The following ZMAT4 variants were observed in gnomAD, a reference collection of about 807,000 sequenced individuals.
ZMAT4 encodes the protein zinc finger matrin-type protein 4.
In ZMAT4, 17 loss-of-function variants were observed where a neutral mutation model predicts 28.7. That is an observed-to-expected ratio of 0.59 (90% CI 0.41 to 0.89). ZMAT4 has a LOEUF of 0.89. Among genes scored for constraint, ZMAT4 ranks in the 40% least tolerant of loss-of-function variants. The pLI, the probability that ZMAT4 is intolerant of heterozygous loss-of-function variation, is 0.00. For missense variants in ZMAT4, 240 were observed against 283.8 expected, an observed-to-expected ratio of 0.85 and a Z score of 1.11; for synonymous variants, 117 against 109.2, an observed-to-expected ratio of 1.07 and a Z score of -0.44.
At chr8:40,850,461 T>C (rs1291565108) in intron 1 of ZMAT4, among the ~76,000 whole-genome samples, 1 of 152,186 alleles carries the variant, frequency 6.6e-6, no homozygotes. Context: ...GGCGGATCAC[T>C]GCAGACAGTC....
At chr8:40,788,913 T>A (rs1242305535) in intron 2 of ZMAT4, among the ~76,000 whole-genome samples, 1 of 150,856 alleles carries the variant, frequency 6.6e-6, no homozygotes, top group Non-Finnish European at 1.5e-5. Context: ...CAAGGTAGAT[T>A]TAACATTTAA....
chr8:40,630,600 C>T (rs1806539035), intron 5 of ZMAT4, among the ~76,000 whole-genome samples: 2 of 152,258 alleles, frequency 1.3e-5, no homozygotes, highest in South Asian at 2.1e-4. Flanking sequence ...AATGGGAATA[C>T]AAGTGGTATA....
At chr8:40,593,591 T>C (rs984564116) in intron 5 of ZMAT4, among the ~76,000 whole-genome samples, 19 of 152,202 alleles carry the variant, frequency 1.2e-4, no homozygotes, top group African/African-American at 4.6e-4. Flanking sequence ...CTAATGTGTC[T>C]TCACCAACCT....
chr8:40,805,963 A>G (rs1009952554), intron 2 of ZMAT4, among the ~76,000 whole-genome samples: 5 of 151,818 alleles, frequency 3.3e-5, no homozygotes, highest in Admixed American at 3.3e-4. Context: ...TTTCACAAGA[A>G]CAAAATTCTC....
At position 40,684,029 on chromosome 8, in the gene ZMAT4, C is replaced by T. The variant is rs577524066; in HGVS notation, c.350-9098G>A. Among the ~76,000 whole-genome samples, 3 of 151,630 alleles carry T rather than the reference C, an allele frequency of 2.0e-5. No individual in the cohort carries two copies. In the South Asian group the frequency reaches 6.2e-4, roughly 32 times the overall value. Reference sequence around the variant, plus strand: ...GCTACAGTGAACCATATTTGTGCCACTGCATTCTAGCCTGGGACCAGAGGA... The same window carrying T: ...GCTACAGTGAACCATATTTGTGCCATTGCATTCTAGCCTGGGACCAGAGGA... On this transcript the variant is annotated intron_variant, in intron 4 of 6. Transcript: ENST00000297737.
At chr8:40,622,208 G>C (rs1163306531) in intron 5 of ZMAT4, among the ~76,000 whole-genome samples, 1 of 152,120 alleles carries the variant, frequency 6.6e-6, no homozygotes, top group Non-Finnish European at 1.5e-5. Flanking sequence ...TAAATTATAA[G>C]ATAAACAAAA....
chr8:40,672,484 T>C (rs1808718424), intron 5 of ZMAT4, among the ~76,000 whole-genome samples: 1 of 152,212 alleles, frequency 6.6e-6, no homozygotes, highest in Admixed American at 6.5e-5. Flanking sequence ...TCGCATTCCA[T>C]GGGCTACTGA....
chr8:40,704,603 A>G (rs1810277237), intron 3 of ZMAT4, among the ~76,000 whole-genome samples: 1 of 152,212 alleles, frequency 6.6e-6, no homozygotes, highest in South Asian at 2.1e-4. Flanking sequence ...AAGGCAGGAA[A>G]TTTATAAGAA....
intron 3 of ZMAT4, among the ~76,000 whole-genome samples, chr8:40,752,058 C>T (rs1469086720): frequency 6.6e-6 from 1 of 152,134 alleles, no homozygotes. Flanking sequence ...CAAGACCACA[C>T]CTGAGTTCTA....
At chr8:40,858,992 G>A (rs1336767113) in intron 1 of ZMAT4, among the ~76,000 whole-genome samples, 1 of 152,176 alleles carries the variant, frequency 6.6e-6, no homozygotes, top group Non-Finnish European at 1.5e-5. Flanking sequence ...TAACTAAACT[G>A]AGGAGACTCC....
At chr8:40,751,973 G>A (rs13266140) in intron 3 of ZMAT4, among the ~76,000 whole-genome samples, 13,815 of 152,056 alleles carry the variant, frequency 0.091, 811 homozygotes, top group Middle Eastern at 0.17. Context: ...GTGATCTCTG[G>A]GTCTTCCCAT....
chr8:40,771,033 C>T (rs577531273), intron 2 of ZMAT4, among the ~76,000 whole-genome samples: 3 of 152,180 alleles, frequency 2.0e-5, no homozygotes, highest in Admixed American at 2.0e-4. Flanking sequence ...ATATCCATTG[C>T]CGCATTACCT....
In ZMAT4 at chr8:40,617,132, T is replaced by TTAAAG. The variant is rs1213033452; in HGVS notation, c.578-35876_578-35872dup. Among the ~76,000 whole-genome samples, 3 of 152,158 alleles carry TTAAAG rather than the reference T, an allele frequency of 2.0e-5. No homozygotes were observed. In the East Asian group the frequency reaches 5.8e-4, roughly 29 times the overall value. On this transcript the variant is annotated intron_variant, in intron 5 of 6. Transcript: ENST00000297737. ...TGATGATGATCTTTACACAAGGGTC[T>TTAAAG]TAAAGTAAAGTAAAGGATCATATTC...
At chr8:40,661,058 A>G (rs1808171783) in intron 5 of ZMAT4, among the ~76,000 whole-genome samples, 1 of 152,228 alleles carries the variant, frequency 6.6e-6, no homozygotes, top group Non-Finnish European at 1.5e-5. Context: ...AAAATGAGAC[A>G]GTAAACAGAT....
At chr8:40,844,112 A>T (rs1347475483) in intron 1 of ZMAT4, among the ~76,000 whole-genome samples, 1 of 152,246 alleles carries the variant, frequency 6.6e-6, no homozygotes, top group Non-Finnish European at 1.5e-5. Flanking sequence ...CTAACCGCTG[A>T]AGAGTGACAG....
At chr8:40,675,363 G>GA (rs927647532) in intron 4 of ZMAT4, among the ~76,000 whole-genome samples, 10 of 151,450 alleles carry the variant, frequency 6.6e-5, no homozygotes, top group Admixed American at 3.3e-4. Flanking sequence ...GGCATTTAGA[G>GA]AAAAAAAATG....
intron 5 of ZMAT4, among the ~76,000 whole-genome samples, chr8:40,654,094 C>T (rs1807809790): frequency 6.6e-6 from 1 of 152,176 alleles, no homozygotes; most frequent in Non-Finnish European, 1.5e-5. Flanking sequence ...TTGAGCCTGC[C>T]TGTTTTGCAT....
chr8:40,844,234 G>C (rs537146116), intron 1 of ZMAT4, among the ~76,000 whole-genome samples: 5 of 152,338 alleles, frequency 3.3e-5, no homozygotes, highest in African/African-American at 9.6e-5. Flanking sequence ...GATGCCCAGA[G>C]AGCTGGTAAA....
intron 5 of ZMAT4, among the ~76,000 whole-genome samples, chr8:40,658,859 T>C (rs1238738125): frequency 1.3e-5 from 2 of 152,130 alleles, no homozygotes. Flanking sequence ...ACTCACTCAA[T>C]GTTCTTTCCT....
Sources: gnomAD v4.1 joint callset for allele counts (sites outside exome capture counted in the v4.1 genomes callset) on GRCh38, gnomAD v4.1.1 for gene constraint, MANE v1.5 for transcripts, NCBI Gene and HGNC (gene_info 2026-07-23, HGNC 2026-07-21) for gene names.